The following RBMS3 variants were observed in gnomAD, a reference collection of about 807,000 sequenced individuals.
The protein encoded by RBMS3 is RNA binding motif single stranded interacting protein 3.
RBMS3 carries 27 observed loss-of-function variants against 66.8 expected under a neutral mutation model. That is an observed-to-expected ratio of 0.40 (90% CI 0.30 to 0.56). RBMS3 has a LOEUF of 0.56. RBMS3 is among the 20% of genes least tolerant of loss of function. The probability of loss-of-function intolerance (pLI) is 0.40; values close to 1 mark genes in which losing one functional copy is unlikely to be tolerated. For synonymous variants in RBMS3, 188 were observed against 183.0 expected, an observed-to-expected ratio of 1.03 and a Z score of -0.22; for missense variants, 513 against 549.5, an observed-to-expected ratio of 0.93 and a Z score of 0.66.
chr3:29,749,880 T>C (rs577007694), intron 5 of RBMS3, among the ~76,000 whole-genome samples: 1 of 152,308 alleles, frequency 6.6e-6, no homozygotes, highest in South Asian at 2.1e-4. Context: ...ACATTCTTAT[T>C]GAACTTATGC....
chr3:29,391,059 G>C (rs7623623), intron 1 of RBMS3: 95,994 of 366,652 alleles, frequency 0.26, 19,026 homozygotes, highest in East Asian at 0.67. Flanking sequence ...GTGCTGAACA[G>C]CAAATCAACC....
At position 29,784,280 on chromosome 3, in the gene RBMS3, T is replaced by C. The variant is rs191633126; in HGVS notation, c.637+21291T>C. Reference sequence around the variant, plus strand: ...TCAGCACATGGAGCATTCTCCAAGATAGACCACAAAGCAAGTCTCAATACA... The same window carrying C: ...TCAGCACATGGAGCATTCTCCAAGACAGACCACAAAGCAAGTCTCAATACA... On this transcript the variant is annotated intron_variant, in intron 6 of 14. Transcript: ENST00000383767. 4.3e-3 allele frequency among the ~76,000 whole-genome samples: 661 copies of C among 152,122 alleles called. 3 individuals carry two copies. Among genetic ancestry groups the C allele is most frequent in the Non-Finnish European group, 6.6e-3 (449 of 67,912 alleles).
intron 3 of RBMS3, among the ~76,000 whole-genome samples, chr3:29,542,606 C>A (rs35903): frequency 1.4e-4 from 21 of 151,984 alleles, no homozygotes; most frequent in Non-Finnish European, 2.9e-4. Context: ...GGTGATCTGC[C>A]TGCCTTGGCC....
intron 10 of RBMS3, chr3:29,926,990 G>A (rs930027758): frequency 1.3e-5 from 2 of 152,110 alleles, no homozygotes; most frequent in South Asian, 4.1e-4. Context: ...AGTACACATT[G>A]GCTGTAATAT....
chr3:29,370,063 G>A (rs2038118574), intron 1 of RBMS3, among the ~76,000 whole-genome samples: 3 of 152,166 alleles, frequency 2.0e-5, no homozygotes, highest in Non-Finnish European at 2.9e-5. Flanking sequence ...GTACATTCAG[G>A]GATGATGGAC....
intron 4 of RBMS3, chr3:29,615,903 A>G (rs2048655435): frequency 6.6e-6 from 1 of 152,208 alleles, no homozygotes; most frequent in Admixed American, 6.5e-5. Context: ...ATGAGAGGAA[A>G]TAAAAATTTT....
Position 29,698,443 on chromosome 3 carries a change from A to G in RBMS3, c.400-41277A>G, listed in dbSNP as rs116106142. 6 of 985,432 alleles carry G rather than the reference A, an allele frequency of 6.1e-6. No homozygotes were observed. In the African/African-American group the frequency reaches 8.7e-5, roughly 14 times the overall value. The allele number at this position is 985,432 out of a possible 1,614,324, so 61.0% of individuals were successfully genotyped here. A position where few individuals can be genotyped will look rare whatever the true frequency, so the allele number is the denominator to read the frequency against. On this transcript the variant is annotated intron_variant, in intron 4 of 14. Transcript: ENST00000383767. ...ACAGACATTGCCATGAAAGTGGTAA[A>G]TGGAGAAATACAGTCTTTGGAGGAA...
chr3:29,972,128 G>A (rs1697269839), intron 12 of RBMS3, among the ~76,000 whole-genome samples: 1 of 151,912 alleles, frequency 6.6e-6, no homozygotes. Context: ...CCTTTGGCAA[G>A]GAGTGGAATC....
chr3:29,987,940 T>G, intron 12 of RBMS3: 1 of 487,506 alleles, frequency 2.1e-6, no homozygotes, highest in Non-Finnish European at 3.7e-6. Flanking sequence ...AATTAAGAGG[T>G]AGGGCTACTG....
chr3:29,845,049 C>A (rs930981288), intron 6 of RBMS3, among the ~76,000 whole-genome samples: 1 of 152,182 alleles, frequency 6.6e-6, no homozygotes, highest in Admixed American at 6.5e-5. Context: ...GCCTTCAAGG[C>A]TTAGCTCAGA....
chr3:29,359,933 C>T (rs921614878), intron 1 of RBMS3, among the ~76,000 whole-genome samples: 1 of 152,084 alleles, frequency 6.6e-6, no homozygotes, highest in Non-Finnish European at 1.5e-5. Context: ...TGATTCTTCT[C>T]TCTTTTCTTC....
At chr3:29,717,335 CT>C (rs2053440411) in intron 4 of RBMS3, among the ~76,000 whole-genome samples, 3 of 152,112 alleles carry the variant, frequency 2.0e-5, no homozygotes, top group Admixed American at 2.0e-4. Flanking sequence ...TGCTTTGTTT[CT>C]TGCCACACGT....
chr3:29,693,956 G>A (rs553609299), intron 4 of RBMS3, among the ~76,000 whole-genome samples: 1 of 152,286 alleles, frequency 6.6e-6, no homozygotes, highest in Non-Finnish European at 1.5e-5. Flanking sequence ...GTGTCAACAT[G>A]ATCAGTGTTT....
chr3:29,800,610 T>A (rs2057357941), intron 6 of RBMS3, among the ~76,000 whole-genome samples: 1 of 152,216 alleles, frequency 6.6e-6, no homozygotes, highest in African/African-American at 2.4e-5. Flanking sequence ...ATTACACATA[T>A]TTTTATATTA....
chr3:29,709,665 A>G (rs560286441), intron 4 of RBMS3, among the ~76,000 whole-genome samples: 2 of 152,350 alleles, frequency 1.3e-5, no homozygotes, highest in Non-Finnish European at 2.9e-5. Flanking sequence ...ATAAACAAAA[A>G]CAATGATTTA....
chr3:29,928,366 T>A (rs73829206), intron 10 of RBMS3, among the ~76,000 whole-genome samples: 1 of 37,778 alleles, frequency 2.6e-5, no homozygotes, highest in Non-Finnish European at 6.1e-5. Flanking sequence ...ATGGTTTTCT[T>A]TCTAAAAAAA....
chr3:29,531,521 T>A (rs1292545994), intron 3 of RBMS3, among the ~76,000 whole-genome samples: 1 of 152,264 alleles, frequency 6.6e-6, no homozygotes, highest in Non-Finnish European at 1.5e-5. Context: ...ACAAATGATA[T>A]GATTTGAAAA....
At chr3:29,465,602 C>T (rs934595988) in intron 2 of RBMS3, among the ~76,000 whole-genome samples, 3 of 150,462 alleles carry the variant, frequency 2.0e-5, no homozygotes, top group Admixed American at 6.6e-5. Context: ...TTTCAGAACG[C>T]GTACTTTGTA....
chr3:29,320,804 C>T (rs1409678657), intron 1 of RBMS3, among the ~76,000 whole-genome samples: 1 of 151,640 alleles, frequency 6.6e-6, no homozygotes, highest in Non-Finnish European at 1.5e-5. Flanking sequence ...TACAGAAATG[C>T]AGATAAAAAT....
Sources: gnomAD v4.1 joint callset for allele counts (sites outside exome capture counted in the v4.1 genomes callset) on GRCh38, gnomAD v4.1.1 for gene constraint, MANE v1.5 for transcripts, NCBI Gene and HGNC (gene_info 2026-07-23, HGNC 2026-07-21) for gene names.